Variants in EFCAB5 observed in about 807,000 individuals in gnomAD.
EFCAB5 encodes the protein EF-hand calcium-binding domain-containing protein 5.
Under a neutral mutation model 167.9 loss-of-function variants are expected in EFCAB5, and 131 were observed. The ratio of observed to expected loss-of-function variants is 0.78; its 90% confidence interval spans 0.68 to 0.90. The LOEUF is 0.90. Among genes scored for constraint, EFCAB5 ranks in the 40% least tolerant of loss-of-function variants. The pLI is 0.00. For missense variants in EFCAB5, 1,663 were observed against 1,745.2 expected, an observed-to-expected ratio of 0.95 and a Z score of 0.84; for synonymous variants, 574 against 602.8, an observed-to-expected ratio of 0.95 and a Z score of 0.70.
At chr17:30,027,611 C>G (rs369497077) in intron 7 of EFCAB5, among the ~76,000 whole-genome samples, 1 of 152,100 alleles carries the variant, frequency 6.6e-6, no homozygotes, top group East Asian at 1.9e-4. Context: ...ATTATACCAT[C>G]GGCATGCATC....
intron 14 of EFCAB5, chr17:30,068,762 C>A: frequency 7.2e-7 from 1 of 1,390,560 alleles, no homozygotes; most frequent in South Asian, 1.2e-5. Flanking sequence ...AGTCCCTGGC[C>A]CAAGGGCAAC....
At chr17:30,085,714 C>T (rs1416312470) in intron 18 of EFCAB5, among the ~76,000 whole-genome samples, 3 of 100,238 alleles carry the variant, frequency 3.0e-5, no homozygotes, top group Non-Finnish European at 6.0e-5. Flanking sequence ...AGCGAGACTC[C>T]GTCTCAAAAA....
At chr17:29,985,991 A>G (rs1170220037) in intron 4 of EFCAB5, among the ~76,000 whole-genome samples, 1 of 152,244 alleles carries the variant, frequency 6.6e-6, no homozygotes, top group Non-Finnish European at 1.5e-5. Flanking sequence ...TACAGACTAT[A>G]CAAAGACAAA....
chr17:29,984,019 A>G (rs1321342377), intron 4 of EFCAB5, among the ~76,000 whole-genome samples: 1 of 152,078 alleles, frequency 6.6e-6, no homozygotes, highest in Non-Finnish European at 1.5e-5. Context: ...TACTTACCCT[A>G]AAATTCGTTT....
intron 4 of EFCAB5, among the ~76,000 whole-genome samples, chr17:29,984,038 G>A (rs1404549738): frequency 6.6e-6 from 1 of 151,986 alleles, no homozygotes; most frequent in Non-Finnish European, 1.5e-5. Context: ...TTACTTATCT[G>A]TTCTGCCATT....
chr17:29,997,294 T>C (rs2068566264), intron 6 of EFCAB5, among the ~76,000 whole-genome samples: 2 of 151,646 alleles, frequency 1.3e-5, no homozygotes, highest in Non-Finnish European at 2.9e-5. Context: ...TATTTCAATA[T>C]ATAAATGCTT....
Position 30,057,574 on chromosome 17 carries a change from C to A in EFCAB5, c.2366-102C>A, listed in dbSNP as rs1006359506. On this transcript the variant is annotated intron_variant, in intron 12 of 22. Transcript: ENST00000394835. ...TCATGAAGGAAGCATGGATTCCTGA[C>A]AGTCAAAAATGGCAGATATTCATTA... 1.3e-5 allele frequency: 12 copies of A among 947,022 alleles called. No individual in the cohort carries two copies. The African/African-American group carries it at 1.6e-4, about 13-fold the overall frequency. The allele number at this position is 947,022 out of a possible 1,614,324, so 58.7% of individuals were successfully genotyped here.
At chr17:30,030,100 G>A (rs926824647) in intron 7 of EFCAB5, among the ~76,000 whole-genome samples, 5 of 152,090 alleles carry the variant, frequency 3.3e-5, no homozygotes, top group Admixed American at 1.3e-4. Flanking sequence ...GGCTCCCATC[G>A]ATTTTCACCT....
intron 22 of EFCAB5, among the ~76,000 whole-genome samples, chr17:30,098,220 C>A (rs2071331078): frequency 6.6e-6 from 1 of 150,658 alleles, no homozygotes; most frequent in African/African-American, 2.4e-5. Flanking sequence ...CAGACGTGAG[C>A]CACCATACCC....
chr17:30,092,684 C>T (rs769263106), intron 21 of EFCAB5, among the ~76,000 whole-genome samples, 156 bp from the exon 22 acceptor site: 17 of 152,164 alleles, frequency 1.1e-4, no homozygotes, highest in Admixed American at 2.6e-4. Context: ...CCACCACACC[C>T]GGCCATGGGT....
chr17:30,032,779 T>G (rs2069511811), intron 7 of EFCAB5, among the ~76,000 whole-genome samples: 1 of 152,204 alleles, frequency 6.6e-6, no homozygotes, highest in Non-Finnish European at 1.5e-5. Flanking sequence ...TATTAAATCT[T>G]TATTCCTTTC....
At chr17:30,054,482 TA>T (rs1441609668) in intron 10 of EFCAB5, among the ~76,000 whole-genome samples, 1 of 152,210 alleles carries the variant, frequency 6.6e-6, no homozygotes. Flanking sequence ...GAAACCACTT[TA>T]AAAATTTTCT....
At chr17:30,020,759 T>C (rs1384557299) in intron 7 of EFCAB5, among the ~76,000 whole-genome samples, 1 of 152,174 alleles carries the variant, frequency 6.6e-6, no homozygotes, top group Non-Finnish European at 1.5e-5. Context: ...TCATCTTTCA[T>C]GTGATGGCAG....
Position 30,107,851 on chromosome 17 carries a change from G to C in EFCAB5, c.4339G>C (p.Val1447Leu), listed in dbSNP as rs1244550673. 1 of 1,573,784 alleles carries C rather than the reference G, an allele frequency of 6.4e-7. No homozygotes were observed. The highest frequency in any genetic ancestry group is 8.6e-7 in the Non-Finnish European group (1 of 1,165,960). The change falls in exon 23 of 23, where the codon GTA (valine) becomes CTA (leucine). Residue 1447 changes from valine to leucine, a missense_variant. Transcript: ENST00000394835. ...TGATGCAGATCATTCCCGAACTGAA[G>C]TATGGAAATTTGGTAATGTTGTCAT... The part of the protein sequence containing the change: ...EYIRDHSRTE[V>L]WKFGNVVIEH...
chr17:30,000,357 A>G (rs1389109327), intron 7 of EFCAB5, among the ~76,000 whole-genome samples: 3 of 152,228 alleles, frequency 2.0e-5, no homozygotes, highest in Non-Finnish European at 4.4e-5. Flanking sequence ...CTCTGCTTTT[A>G]CAGATGAAGA....
At chr17:30,106,375 C>T (rs1182977435) in intron 22 of EFCAB5, among the ~76,000 whole-genome samples, 1 of 151,996 alleles carries the variant, frequency 6.6e-6, no homozygotes, top group African/African-American at 2.4e-5. Context: ...TTGGGTTAGG[C>T]ACTGAGTTAG....
intron 3 of EFCAB5, among the ~76,000 whole-genome samples, chr17:29,955,617 G>C (rs1368312520): frequency 6.6e-6 from 1 of 151,978 alleles, no homozygotes; most frequent in Non-Finnish European, 1.5e-5. Flanking sequence ...CCAAGGAAGT[G>C]AAAGATCTCT....
chr17:29,953,337 T>G (rs2067550988), intron 3 of EFCAB5, among the ~76,000 whole-genome samples: 1 of 152,222 alleles, frequency 6.6e-6, no homozygotes, highest in African/African-American at 2.4e-5. Context: ...ATGATTTGAC[T>G]GTGTCCCCAC....
chr17:30,020,877 T>C (rs2069161724), intron 7 of EFCAB5, among the ~76,000 whole-genome samples: 1 of 152,116 alleles, frequency 6.6e-6, no homozygotes, highest in Admixed American at 6.6e-5. Context: ...TTTTAATGTG[T>C]ATGCCAGCTG....
Sources: allele counts gnomAD v4.1 joint callset (sites outside exome capture counted in the v4.1 genomes callset), GRCh38; gene constraint gnomAD v4.1.1; transcripts MANE v1.5; gene names NCBI Gene and HGNC (gene_info 2026-07-23, HGNC 2026-07-21).